The following GHDC variants were observed in gnomAD, a reference collection of about 807,000 sequenced individuals.
GHDC encodes the protein GH3 domain-containing protein.
A neutral mutation model predicts 51.5 loss-of-function variants in GHDC; 39 were observed. That is an observed-to-expected ratio of 0.76 (90% CI 0.59 to 0.99). The LOEUF (loss-of-function observed/expected upper bound fraction) is 0.99. Among genes scored for constraint, GHDC ranks in the 50% least tolerant of loss-of-function variants. The probability of loss-of-function intolerance (pLI) is 0.00; values close to 1 mark genes in which losing one functional copy is unlikely to be tolerated. For missense variants in GHDC, 610 were observed against 672.8 expected (o/e 0.91, Z 1.03); for synonymous variants, 282 against 305.2 (o/e 0.92, Z 0.79).
chr17:42,190,250 G>A lies in GHDC; in HGVS notation c.1309C>T (p.Pro437Ser). ...SILDSSAGSAPHYEVFVALRG... is the reference protein window; with the variant it reads ...SILDSSAGSASHYEVFVALRG... ...AGCGCCACAAACACCTCGTAGTGGGGAGCAGAGCCCGCAGAGGAATCTGTG... is the reference window on the plus strand; with the variant it reads ...AGCGCCACAAACACCTCGTAGTGGGAAGCAGAGCCCGCAGAGGAATCTGTG... Residue 437 changes from proline to serine, a missense_variant, in exon 9 of 10, where the codon CCC (proline) becomes TCC (serine). Physicochemically the swap from Pro to Ser is moderately conservative, Grantham distance 74. This residue lies in a region of GHDC where 412 missense variants were observed against 410.4 expected (regional missense o/e 1.00). Transcript: ENST00000587427. 1 of 1,614,186 alleles carries A rather than the reference G, an allele frequency of 6.2e-7. No individual in the cohort carries two copies. Among genetic ancestry groups the A allele is most frequent in the East Asian group, 2.2e-5 (1 of 44,894 alleles).
rs971933794 is a variant in GHDC at position 42,189,488 on chromosome 17, G to A, written c.*215C>T. 8 of 415,532 alleles carry A rather than the reference G, an allele frequency of 1.9e-5. No homozygotes were observed. The highest frequency in any genetic ancestry group is 4.2e-5 in the Admixed American group (1 of 23,788). The allele number at this position is 415,532 out of a possible 1,614,324, so 25.7% of individuals were successfully genotyped here. A position where few individuals can be genotyped will look rare whatever the true frequency, so the allele number is the denominator to read the frequency against. ...CCTTCATGCCGGGACATGGGGACAC[G>A]GGCAGGCACTGCTGGCATCTGCTAA... On this transcript the variant is annotated 3_prime_UTR_variant, in exon 10 of 10. Transcript: ENST00000587427.
chr17:42,190,730 C>T lies in GHDC; in HGVS notation c.1182G>A (p.Gly394=), dbSNP rs764766840. 1 of 1,614,126 alleles carries T rather than the reference C, an allele frequency of 6.2e-7. No homozygotes were observed. The highest frequency in any genetic ancestry group is 8.5e-7 in the Non-Finnish European group (1 of 1,180,022). ...AGAACAGGTCTTCACCAATATCTTC[C>T]CCTCGCACACTCAGGGTCTGGTCCA... ...CRLDQTLSVR[G]EDIGEDLFSE... is the part of the protein sequence containing the mutation. The change falls in exon 8 of 10, where the codon GGG becomes GGA. Residue 394 remains glycine, a synonymous_variant. Transcript: ENST00000587427.
At position 42,191,031 on chromosome 17, in the gene GHDC, CG is replaced by C. The variant is rs760827827; in HGVS notation, c.1068del (p.Ala357ProfsTer34). 1.8e-4 allele frequency: 277 copies of C among 1,578,340 alleles called. No individual in the cohort carries two copies. Among genetic ancestry groups the C allele is most frequent in the Middle Eastern group, 8.4e-4 (5 of 5,922 alleles). On this transcript the variant is annotated frameshift_variant, in exon 6 of 10. Coordinates refer to ENST00000587427, the MANE Select transcript of GHDC (RefSeq NM_032484.5). LOFTEE classifies it high-confidence loss of function. ...GKEYELVLTD[R>X]ASLTRCRLGD... ...GCAGCTGATCACCTGGTGAGGCTGG[CG>C]CGGTCCGTCAGCACCAGCTCATACT...
At position 42,191,016 on chromosome 17, in the gene GHDC, A is replaced by C. The variant is rs752818358; in HGVS notation, c.1082+2T>G. Reference sequence around the variant, plus strand: ...GGTAGCAGGGGCTGTGCAGCTGATCACCTGGTGAGGCTGGCGCGGTCCGTC... The same window carrying C: ...GGTAGCAGGGGCTGTGCAGCTGATCCCCTGGTGAGGCTGGCGCGGTCCGTC... On this transcript the variant is annotated splice_donor_variant, in intron 6 of 9. Transcript: ENST00000587427. LOFTEE classifies it high-confidence loss of function. The C allele has an allele frequency of 3.2e-6, 5 of 1,569,222 alleles. No individual in the cohort carries two copies. In the African/African-American group the frequency reaches 6.9e-5, roughly 22 times the overall value.
In GHDC at chr17:42,189,709, C is replaced by T. The variant is rs2079951776; in HGVS notation, c.1587G>A (p.Val529=). 3.4e-6 allele frequency: 5 copies of T among 1,463,442 alleles called. No individual in the cohort carries two copies. The highest frequency in any genetic ancestry group is 2.7e-6 in the Non-Finnish European group (3 of 1,106,526). 90.7% of individuals were successfully genotyped at this position (1,463,442 alleles called of 1,614,324 possible). The part of the protein sequence containing the change: ...HLAQCLQERV[V]S ...CGGTGGGGCAGGACTTGACTCAGGA[C>T]ACCACCCTCTCCTGCAGACACTGGG... The change falls in exon 10 of 10, where the codon GTG becomes GTA. Residue 529 remains valine, a synonymous_variant. Transcript: ENST00000587427.
chr17:42,189,185 A>G lies in GHDC; in HGVS notation c.*518T>C, dbSNP rs972267850. 1 of 398,324 alleles carries G rather than the reference A, an allele frequency of 2.5e-6. No homozygotes were observed. Among genetic ancestry groups the G allele is most frequent in the African/African-American group, 2.1e-5 (1 of 48,632 alleles). 24.7% of individuals were successfully genotyped at this position (398,324 alleles called of 1,614,324 possible). A position where few individuals can be genotyped will look rare whatever the true frequency, so the allele number is the denominator to read the frequency against. On this transcript the variant is annotated 3_prime_UTR_variant, in exon 10 of 10. Transcript: ENST00000587427. ...GAGAGCCCCCGCAGGAAGTACATGA[A>G]TGAGTGGGTTACTGCTGCGGGCAAC... is the stretch of plus-strand genomic sequence containing the variant.
In GHDC at chr17:42,189,890, C is replaced by T. The variant is rs115952579; in HGVS notation, c.1406G>A (p.Arg469His). The change falls in exon 10 of 10, where the codon CGC (arginine) becomes CAC (histidine). Residue 469 changes from arginine to histidine, a missense_variant. By Grantham distance (29) the Arg-to-His change is conservative. Transcript: ENST00000587427. ...GCCCCAGAACCGCAGGGACTTGTAG[C>T]GGGGAGAGGCTTCCTGAAGGCAGTG... ...LDHCLQEASP[R>H]YKSLRFWGSV... The T allele has an allele frequency of 4.6e-3, 7,128 of 1,548,796 alleles. 279 individuals carry two copies. The African/African-American group carries it at 0.088, about 19-fold the overall frequency.
Position 42,193,020 on chromosome 17 carries a change from G to A in GHDC, c.273C>T (p.Ser91=), listed in dbSNP as rs763699771. ...TCAGAGGGAGATGATTCCGGAAGGT[G>A]CTTATGTCTATAGCCCCAATGACAA... ...HCSLRRSTDI[S]TFRNHLPLTK... is the part of the protein sequence containing the mutation. Residue 91 remains serine (S), a synonymous_variant, in exon 4 of 10, where the codon AGC becomes AGT. Coordinates refer to ENST00000587427, the MANE Select transcript of GHDC (RefSeq NM_032484.5). 5.6e-6 allele frequency: 9 copies of A among 1,614,020 alleles called. No homozygotes were observed. The highest frequency in any genetic ancestry group is 5.1e-6 in the Non-Finnish European group (6 of 1,180,038).
At chr17:42,190,402 G>A (rs2079958916) in intron 8 of GHDC, 132 bp from the exon 9 acceptor site, 1 of 1,548,082 alleles carries the variant, frequency 6.5e-7, no homozygotes, top group African/African-American at 1.4e-5. Flanking sequence ...TGGGGAGTGG[G>A]GTAAATGGAG....
chr17:42,192,406 C>T lies in GHDC; in HGVS notation c.724G>A (p.Glu242Lys). 6.2e-7 allele frequency: 1 copy of T among 1,613,092 alleles called. No homozygotes were observed. Residue 242 changes from glutamate to lysine, a missense_variant, in exon 5 of 10, where the codon GAG (glutamate) becomes AAG (lysine). Glu to Lys is a moderately conservative substitution (Grantham distance 56). Coordinates refer to ENST00000587427, the MANE Select transcript of GHDC (RefSeq NM_032484.5). Reference protein sequence around the residue: ...PLRERAAELREALEQGPRGLA... With the variant: ...PLRERAAELRKALEQGPRGLA... ...CCCCGTGGCCCCTGCTCTAGGGCCT[C>T]CCGGAGCTCAGCTGCCCGTTCACGG... is the stretch of plus-strand genomic sequence containing the variant.
Position 42,192,324 on chromosome 17 carries a change from C to A in GHDC, c.806G>T (p.Gly269Val), listed in dbSNP as rs1359145944. ...LQVVVTLDAG[G>V]QAEAVAALGA... ...GAGGGCAGCCACAGCCTCGGCCTGGCCTCCTGCATCCAGAGTCACCACCAC... is the reference window on the plus strand; with the variant it reads ...GAGGGCAGCCACAGCCTCGGCCTGGACTCCTGCATCCAGAGTCACCACCAC... Residue 269 changes from glycine (G) to valine (V), a missense_variant, in exon 5 of 10, where the codon GGC (glycine) becomes GTC (valine). Gly to Val is a moderately radical substitution (Grantham distance 109, BLOSUM62 -3). Transcript: ENST00000587427. The A allele has an allele frequency of 1.2e-6, 2 of 1,611,730 alleles. No individual in the cohort carries two copies. The highest frequency in any genetic ancestry group is 1.3e-5 in the African/African-American group (1 of 74,932).
In GHDC at chr17:42,191,338, C is replaced by T; in HGVS notation, c.890-128G>A. 4 of 909,770 alleles carry T rather than the reference C, an allele frequency of 4.4e-6. No homozygotes were observed. The South Asian group carries it at 9.0e-5, about 20-fold the overall frequency. 56.4% of individuals were successfully genotyped at this position (909,770 alleles called of 1,614,324 possible). On this transcript the variant is annotated intron_variant, in intron 5 of 9. Coordinates refer to ENST00000587427, the MANE Select transcript of GHDC (RefSeq NM_032484.5). ...CCTCCTGCTGCCCTTCCACCACATC[C>T]TTCCTGGCTCCCCCAGCCTCAGCGG...
In GHDC at chr17:42,192,285, C is replaced by A; in HGVS notation, c.845G>T (p.Cys282Phe). The change falls in exon 5 of 10, where the codon TGC becomes TTC. Residue 282 changes from cysteine to phenylalanine, a missense_variant. This residue lies in a region of GHDC where 412 missense variants were observed against 410.4 expected (regional missense o/e 1.00). Transcript: ENST00000587427. ...AGGAGAGAAGAAGGCTAGTCCTTGG[C>A]ACCACAAGGCCCCGAGGGCAGCCAC... ...EAVAALGALW[C>F]QGLAFFSPAY... is the part of the protein sequence containing the mutation. 1 of 1,580,934 alleles carries A rather than the reference C, an allele frequency of 6.3e-7. No homozygotes were observed. The highest frequency in any genetic ancestry group is 1.2e-5 in the South Asian group (1 of 84,962).
intron 3 of GHDC, 53 bp downstream of exon 3, chr17:42,193,264 C>G: frequency 6.5e-7 from 1 of 1,533,178 alleles, no homozygotes; most frequent in Non-Finnish European, 8.8e-7. Flanking sequence ...ATCTGACGGT[C>G]CTGTGGGGTT....
At chr17:42,190,950 G>A in intron 6 of GHDC, 47 bp from the exon 7 acceptor site, 1 of 1,580,462 alleles carries the variant, frequency 6.3e-7, no homozygotes, top group Non-Finnish European at 8.6e-7. Context: ...GGTCTTCTGA[G>A]CTCATGCCCC....
Position 42,189,636 on chromosome 17 carries a change from G to C in GHDC, c.*67C>G. The C allele has an allele frequency of 1.3e-6, 1 of 775,348 alleles. No individual in the cohort carries two copies. The highest frequency in any genetic ancestry group is 1.9e-6 in the Non-Finnish European group (1 of 520,318). The allele number at this position is 775,348 out of a possible 1,614,324, so 48.0% of individuals were successfully genotyped here. A position where few individuals can be genotyped will look rare whatever the true frequency, so the allele number is the denominator to read the frequency against. ...GACCCTGGCCAAGGACTCCCCATCC[G>C]GAGAGGTCCCAGAGGGAGGGGCGAG... On this transcript the variant is annotated 3_prime_UTR_variant, in exon 10 of 10. Coordinates refer to ENST00000587427, the MANE Select transcript of GHDC (RefSeq NM_032484.5).
chr17:42,190,520 G>A (rs2081603231), intron 8 of GHDC, 104 bp downstream of exon 8: 23 of 1,438,808 alleles, frequency 1.6e-5, no homozygotes, highest in Non-Finnish European at 2.1e-5. Context: ...TTTTGTAGGA[G>A]TAGTAAAGGA....
At chr17:42,192,844 G>A in intron 4 of GHDC, 62 bp downstream of exon 4, 1 of 1,586,976 alleles carries the variant, frequency 6.3e-7, no homozygotes, top group Non-Finnish European at 8.6e-7. Flanking sequence ...TTGGCTGCAA[G>A]TCAGAGGTCT....
In GHDC at chr17:42,193,797, T is replaced by A. The variant is rs914263466; in HGVS notation, c.-44A>T. 2.0e-5 allele frequency: 13 copies of A among 641,762 alleles called. No homozygotes were observed. The highest frequency in any genetic ancestry group is 4.2e-4 in the Middle Eastern group (1 of 2,356). The allele number at this position is 641,762 out of a possible 1,614,324, so 39.8% of individuals were successfully genotyped here. A position where few individuals can be genotyped will look rare whatever the true frequency, so the allele number is the denominator to read the frequency against. The stretch of plus-strand genomic sequence containing the variant: ...TGCAGATCCTGCCTCTGCCGCTTGT[T>A]AGCTGTAGGGCCCTGAGCAATTTAG... On this transcript the variant is annotated 5_prime_UTR_variant, in exon 2 of 10. Transcript: ENST00000587427.
Sources: gnomAD v4.1 joint callset for allele counts on GRCh38, gnomAD v4.1.1 for gene constraint, gnomAD v4.1.1 regional missense constraint, MANE v1.5 for transcripts, NCBI Gene and HGNC (gene_info 2026-07-23, HGNC 2026-07-21) for gene names.